ZFHX3: variants seen among roughly 807,000 people sequenced by gnomAD.
ZFHX3 encodes zinc finger homeobox protein 3.
In ZFHX3, 42 loss-of-function variants were observed where a neutral mutation model predicts 279.1. The observed-to-expected ratio is 0.15, with a 90% CI of 0.12 to 0.19. ZFHX3 has a LOEUF of 0.19. Among genes scored for constraint, ZFHX3 ranks in the 10% least tolerant of loss-of-function variants. The pLI, the probability that ZFHX3 is intolerant of heterozygous loss-of-function variation, is 1.00. For synonymous variants in ZFHX3, 2,293 were observed against 1,957.8 expected, an observed-to-expected ratio of 1.17 and a Z score of -4.52; for missense variants, 4,981 against 4,754.0, an observed-to-expected ratio of 1.05 and a Z score of -1.40.
chr16:72,802,582 A>G (rs951752556), intron 7 of ZFHX3, among the ~76,000 whole-genome samples: 1 of 152,160 alleles, frequency 6.6e-6, no homozygotes, highest in African/African-American at 2.4e-5. Context: ...GGTATATGAA[A>G]TTTTGATGGG....
intron 4 of ZFHX3, among the ~76,000 whole-genome samples, chr16:72,834,284 C>T (rs1056832270): frequency 6.6e-6 from 1 of 152,174 alleles, no homozygotes; most frequent in African/African-American, 2.4e-5. Flanking sequence ...CCATCACCAC[C>T]TCCTTTTTAC....
At chr16:73,141,319 A>G (rs143689206) in intron 6 of ZFHX3, among the ~76,000 whole-genome samples, 17 of 152,286 alleles carry the variant, frequency 1.1e-4, no homozygotes, top group African/African-American at 4.1e-4. Flanking sequence ...AGATTGTTAG[A>G]GTATTTGGAA....
chr16:73,555,436 G>A (rs2020263819), intron 2 of ZFHX3, among the ~76,000 whole-genome samples: 1 of 151,976 alleles, frequency 6.6e-6, no homozygotes. Context: ...TTACAGGCGT[G>A]AGCCACCGCG....
intron 1 of ZFHX3, among the ~76,000 whole-genome samples, chr16:73,833,138 G>A (rs2131256): frequency 0.058 from 8,834 of 152,194 alleles, 867 homozygotes; most frequent in African/African-American, 0.2. Flanking sequence ...TGAGGCAGAA[G>A]GATTGCTCGA....
intron 6 of ZFHX3, among the ~76,000 whole-genome samples, chr16:73,141,461 G>C (rs1182544711): frequency 6.6e-6 from 1 of 151,236 alleles, no homozygotes; most frequent in Admixed American, 6.6e-5. Context: ...GCAGTGGCTC[G>C]ATCATAGTTT....
At chr16:73,337,311 A>G (rs769968690) in intron 3 of ZFHX3, among the ~76,000 whole-genome samples, 13 of 151,904 alleles carry the variant, frequency 8.6e-5, no homozygotes, top group South Asian at 2.1e-4. Flanking sequence ...CCTCCCCTCT[A>G]CACGTTCTGG....
intron 1 of ZFHX3, among the ~76,000 whole-genome samples, chr16:73,727,042 G>A (rs931356912): frequency 6.6e-6 from 1 of 152,146 alleles, no homozygotes; most frequent in African/African-American, 2.4e-5. Flanking sequence ...AGTTCTCACA[G>A]GCTGTGTGAG....
intron 6 of ZFHX3, chr16:73,137,615 C>T (rs1044999675): frequency 5.3e-5 from 8 of 151,726 alleles, no homozygotes; most frequent in African/African-American, 1.9e-4. Flanking sequence ...TTTTAGGTGC[C>T]CAGTGACCTC....
chr16:73,788,176 C>A (rs1473519954), intron 1 of ZFHX3, among the ~76,000 whole-genome samples: 1 of 152,128 alleles, frequency 6.6e-6, no homozygotes, highest in African/African-American at 2.4e-5. Flanking sequence ...AGAAAGACAA[C>A]CAATTCTGAG....
chr16:73,480,199 TA>T lies in ZFHX3; in HGVS notation c.-1546-23942del, dbSNP rs556034832. On this transcript the variant is annotated intron_variant, in intron 2 of 17. Coordinates refer to the ZFHX3 transcript ENST00000641206. ...TTTCCTTCAGCATTTGAAATGTTTT[TA>T]AGGGTTTATTTCAAACACCCTTTTC... Among the ~76,000 whole-genome samples, 50 of 152,340 alleles carry T rather than the reference TA, an allele frequency of 3.3e-4. No individual in the cohort carries two copies. The East Asian group carries it at 9.3e-3, about 28-fold the overall frequency.
intron 2 of ZFHX3, chr16:73,609,440 C>G (rs2052223328): frequency 6.6e-6 from 1 of 152,160 alleles, no homozygotes; most frequent in Non-Finnish European, 1.5e-5. Flanking sequence ...GAAGAGCGGA[C>G]TAGAAATTGA....
chr16:73,009,794 G>T (rs1473625849), intron 1 of ZFHX3, among the ~76,000 whole-genome samples: 1 of 152,066 alleles, frequency 6.6e-6, no homozygotes, highest in Non-Finnish European at 1.5e-5. Context: ...GCCGACGCAG[G>T]CGAATCACTT....
intron 1 of ZFHX3, among the ~76,000 whole-genome samples, chr16:73,744,091 T>C (rs1318090008): frequency 6.6e-6 from 1 of 152,232 alleles, no homozygotes; most frequent in Non-Finnish European, 1.5e-5. Flanking sequence ...CAGCAAAAAG[T>C]TGGGCAAATT....
intron 3 of ZFHX3, among the ~76,000 whole-genome samples, chr16:72,935,631 C>G (rs1269309175): frequency 6.6e-6 from 1 of 151,646 alleles, no homozygotes; most frequent in Non-Finnish European, 1.5e-5. Flanking sequence ...GTCCCAGCTA[C>G]TCGGAAGGCT....
At chr16:73,798,067 T>C (rs1308954113) in intron 1 of ZFHX3, among the ~76,000 whole-genome samples, 2 of 152,030 alleles carry the variant, frequency 1.3e-5, no homozygotes, top group Admixed American at 6.6e-5. Flanking sequence ...CCTTGGCCTC[T>C]CAAAGTGCTG....
intron 1 of ZFHX3, among the ~76,000 whole-genome samples, chr16:73,686,885 G>C (rs540924000): frequency 3.6e-4 from 55 of 150,948 alleles, no homozygotes; most frequent in Admixed American, 9.9e-4. Flanking sequence ...CACTGGTCTT[G>C]GTTCACCCTG....
intron 1 of ZFHX3, among the ~76,000 whole-genome samples, chr16:73,770,856 T>A (rs551372212): frequency 9.8e-5 from 15 of 152,320 alleles, no homozygotes; most frequent in African/African-American, 3.4e-4. Flanking sequence ...CAAAGCCATA[T>A]AGAGGTCATT....
chr16:72,895,444 T>TG (rs2038876391), intron 3 of ZFHX3, among the ~76,000 whole-genome samples: 1 of 152,220 alleles, frequency 6.6e-6, no homozygotes, highest in South Asian at 2.1e-4. Context: ...CCAAACTCAC[T>TG]TGGTTGGGCC....
At chr16:72,982,354 G>A (rs996245236) in intron 1 of ZFHX3, among the ~76,000 whole-genome samples, 4 of 152,104 alleles carry the variant, frequency 2.6e-5, no homozygotes, top group African/African-American at 7.2e-5. Flanking sequence ...GCAGAGCAAG[G>A]ACCAGGACAC....
Sources: allele counts gnomAD v4.1 joint callset (sites outside exome capture counted in the v4.1 genomes callset), GRCh38; gene constraint gnomAD v4.1.1; transcripts MANE v1.5; gene names NCBI Gene and HGNC (gene_info 2026-07-23, HGNC 2026-07-21).